CHRNA5: variants seen among roughly 807,000 people sequenced by gnomAD.
The protein encoded by CHRNA5 is cholinergic receptor nicotinic alpha 5 subunit.
CHRNA5 carries 28 observed loss-of-function variants against 41.2 expected under a neutral mutation model. That is an observed-to-expected ratio of 0.68 (90% CI 0.50 to 0.93). The LOEUF is 0.93. Ranked by LOEUF, CHRNA5 falls within the 40% of genes least tolerant of loss-of-function variation. The probability of loss-of-function intolerance (pLI) is 0.00; values close to 1 mark genes in which losing one functional copy is unlikely to be tolerated. For synonymous variants in CHRNA5, 188 were observed against 205.8 expected (o/e 0.91, Z 0.74); for missense variants, 481 against 581.9 (o/e 0.83, Z 1.78).
intron 1 of CHRNA5, among the ~76,000 whole-genome samples, chr15:78,579,168 TTGGGCCC>T (rs1216922226): frequency 3.3e-5 from 5 of 152,168 alleles, no homozygotes; most frequent in African/African-American, 1.2e-4. Flanking sequence ...TCATTTTACA[TTGGGCCC>T]TGTGAATTAT....
intron 2 of CHRNA5, among the ~76,000 whole-genome samples, chr15:78,584,529 T>G (rs1352919554): frequency 6.6e-6 from 1 of 152,224 alleles, no homozygotes; most frequent in Non-Finnish European, 1.5e-5. Context: ...TTAGGCGGTA[T>G]CCCTTATGGT....
intron 1 of CHRNA5, among the ~76,000 whole-genome samples, chr15:78,579,681 C>G (rs560671160): frequency 6.9e-4 from 105 of 152,272 alleles, no homozygotes; most frequent in African/African-American, 2.2e-3. Flanking sequence ...CAGTTCATCT[C>G]TCTTCTCTTC....
intron 2 of CHRNA5, among the ~76,000 whole-genome samples, chr15:78,584,076 A>G (rs2052937323): frequency 6.6e-6 from 1 of 152,170 alleles, no homozygotes; most frequent in African/African-American, 2.4e-5. Context: ...AGAAGAGCCC[A>G]AAAAATGAAA....
At chr15:78,589,319 G>A (rs1197696681) in intron 4 of CHRNA5, 1 of 152,954 alleles carries the variant, frequency 6.5e-6, no homozygotes, top group Non-Finnish European at 1.5e-5. Flanking sequence ...AATTCACTTG[G>A]TGGGAGAGCT....
At chr15:78,587,243 T>C (rs938792397) in intron 3 of CHRNA5, among the ~76,000 whole-genome samples, 13 of 152,000 alleles carry the variant, frequency 8.6e-5, no homozygotes, top group African/African-American at 3.1e-4. Context: ...GGGGGAAAAA[T>C]AAACAAGTTG....
intron 2 of CHRNA5, among the ~76,000 whole-genome samples, chr15:78,583,082 T>G (rs2052928246): frequency 1.3e-5 from 2 of 152,216 alleles, no homozygotes; most frequent in Non-Finnish European, 2.9e-5. Context: ...CTGGTACTCA[T>G]GTGCTCTGGC....
At position 78,588,147 on chromosome 15, in the gene CHRNA5, G is replaced by T. The variant is rs376965027; in HGVS notation, c.304-167G>T. Among the ~76,000 whole-genome samples the T allele has an allele frequency of 1.6e-4, 24 of 152,298 alleles. No homozygotes were observed. The East Asian group carries it at 4.4e-3, about 28-fold the overall frequency. On this transcript the variant is annotated intron_variant, in intron 3 of 5. Transcript: ENST00000299565. The surrounding 1 kb of genome is among the most constrained non-coding windows in gnomAD (Gnocchi z 4.1). The stretch of plus-strand genomic sequence containing the variant: ...ACCATGGTGAGAACCACTACACAAG[G>T]GGACAGGGTTATCTGGTGCCCATAA...
At chr15:78,570,356 C>G (rs1260891799) in intron 1 of CHRNA5, among the ~76,000 whole-genome samples, 1 of 147,638 alleles carries the variant, frequency 6.8e-6, no homozygotes, top group Non-Finnish European at 1.5e-5. Flanking sequence ...GCTCCTGGGT[C>G]CAAATGATTC....
In CHRNA5 at chr15:78,593,350, T is replaced by C. The variant is rs201184771; in HGVS notation, c.*97T>C. The C allele has an allele frequency of 7.1e-6, 9 of 1,266,634 alleles. No homozygotes were observed. In the East Asian group the frequency reaches 2.3e-4, roughly 33 times the overall value. The allele number at this position is 1,266,634 out of a possible 1,614,324, so 78.5% of individuals were successfully genotyped here. A position where few individuals can be genotyped will look rare whatever the true frequency, so the allele number is the denominator to read the frequency against. On this transcript the variant is annotated 3_prime_UTR_variant, in exon 6 of 6. Coordinates refer to ENST00000299565, the Ensembl canonical transcript of CHRNA5. ...AATGTAAGTTATGTGTTAAATTTAG[T>C]GCAAGCTTTAACAGACTAAGTTGCT...
intron 1 of CHRNA5, among the ~76,000 whole-genome samples, chr15:78,579,496 T>C (rs2052890425): frequency 1.3e-5 from 2 of 152,162 alleles, no homozygotes; most frequent in Non-Finnish European, 2.9e-5. Flanking sequence ...TCAGGTAATC[T>C]GTCCGCCTCA....
At chr15:78,570,829 TATTCTTTGTTGTCA>T (rs770114369) in intron 1 of CHRNA5, among the ~76,000 whole-genome samples, 26 of 152,318 alleles carry the variant, frequency 1.7e-4, no homozygotes, top group Non-Finnish European at 3.4e-4. Flanking sequence ...TGTACTGGGT[TATTCTTTGTTGTCA>T]GAGGGGGGCG....
In CHRNA5 at chr15:78,589,713, T is replaced by G. The variant is rs979892149; in HGVS notation, c.414-92T>G. 1.6e-5 allele frequency: 16 copies of G among 1,007,024 alleles called. No individual in the cohort carries two copies. In the East Asian group the frequency reaches 2.5e-4, roughly 16 times the overall value. 62.4% of individuals were successfully genotyped at this position (1,007,024 alleles called of 1,614,324 possible). On this transcript the variant is annotated intron_variant, in intron 4 of 5. Coordinates refer to ENST00000299565, the Ensembl canonical transcript of CHRNA5. ...TTTAAAAATTATTTCATGCAATCAA[T>G]GATAGGCCTGCTTTTATATTAGGCT...
intron 1 of CHRNA5, among the ~76,000 whole-genome samples, chr15:78,570,424 A>ATGTTTTTTTTT (rs1837247746): frequency 1.6e-5 from 1 of 64,184 alleles, no homozygotes; most frequent in Non-Finnish European, 2.7e-5. Context: ...AATCCCGGCT[A>ATGTTTTTTTTT]TTTTTTTTTT....
intron 5 of CHRNA5, 61 bp downstream of exon 5, chr15:78,590,697 C>A (rs2053005325): frequency 1.3e-5 from 19 of 1,443,828 alleles, no homozygotes; most frequent in Non-Finnish European, 1.8e-5. Flanking sequence ...AAGTTACTTT[C>A]ATTAATTTTG....
chr15:78,574,443 G>T (rs8030072), intron 1 of CHRNA5, among the ~76,000 whole-genome samples: 8 of 151,236 alleles, frequency 5.3e-5, no homozygotes, highest in South Asian at 2.1e-4. Context: ...AGTGAAGAAG[G>T]TTTTTTTAAA....
At chr15:78,580,259 G>A (rs1211960904) in intron 1 of CHRNA5, among the ~76,000 whole-genome samples, 1 of 120,578 alleles carries the variant, frequency 8.3e-6, no homozygotes, top group Non-Finnish European at 1.6e-5. Context: ...CAGCCTGGGA[G>A]ACCAGGCAGG....
At chr15:78,589,712 A>G (rs554842671) in intron 4 of CHRNA5, 93 bp from the exon 5 acceptor site, 49 of 1,006,510 alleles carry the variant, frequency 4.9e-5, no homozygotes, top group African/African-American at 3.4e-4. Context: ...CATGCAATCA[A>G]TGATAGGCCT....
At position 78,577,617 on chromosome 15, in the gene CHRNA5, A is replaced by G. The variant is rs559898537; in HGVS notation, c.107-3194A>G. Reference sequence around the variant, plus strand: ...AGCTAGTTTTTCCCCCACTCAGGCAAAGGTTCCTTTAGATGCTATTGACAG... The same window carrying G: ...AGCTAGTTTTTCCCCCACTCAGGCAGAGGTTCCTTTAGATGCTATTGACAG... On this transcript the variant is annotated intron_variant, in intron 1 of 5. Coordinates refer to ENST00000299565, the Ensembl canonical transcript of CHRNA5. 5.3e-4 allele frequency among the ~76,000 whole-genome samples: 80 copies of G among 152,206 alleles called. 3 individuals are homozygous for G. The South Asian group carries it at 0.015, about 28-fold the overall frequency.
intron 1 of CHRNA5, among the ~76,000 whole-genome samples, chr15:78,578,273 C>T (rs575713562): frequency 5.3e-5 from 8 of 152,124 alleles, no homozygotes; most frequent in Non-Finnish European, 1.0e-4. Context: ...TTTGGGAGGC[C>T]GAGGCGGGTG....
Sources: gnomAD v4.1 joint callset for allele counts (sites outside exome capture counted in the v4.1 genomes callset) on GRCh38, gnomAD v4.1.1 for gene constraint, Gnocchi (gnomAD v3.1) non-coding constraint, MANE v1.5 for transcripts, NCBI Gene and HGNC (gene_info 2026-07-23, HGNC 2026-07-21) for gene names.